Variants in CYTH4 observed in about 807,000 individuals in gnomAD.
CYTH4 encodes the protein cytohesin 4.
In CYTH4, 22 loss-of-function variants were observed where a neutral mutation model predicts 57.5. The ratio of observed to expected loss-of-function variants is 0.38; its 90% CI spans 0.27 to 0.55. The LOEUF (loss-of-function observed/expected upper bound fraction) is 0.55. Ranked by LOEUF, CYTH4 falls within the 20% of genes least tolerant of loss-of-function variation. CYTH4 has a pLI of 0.74. For missense variants in CYTH4, 420 were observed against 535.6 expected, an observed-to-expected ratio of 0.78 and a Z score of 2.13; for synonymous variants, 186 against 206.5, an observed-to-expected ratio of 0.90 and a Z score of 0.85.
At chr22:37,286,417 G>A (rs1569104388) in intron 1 of CYTH4, among the ~76,000 whole-genome samples, 1 of 152,178 alleles carries the variant, frequency 6.6e-6, no homozygotes, top group African/African-American at 2.4e-5. Context: ...GATTCAATGA[G>A]AGTGGATGGG....
At chr22:37,301,203 G>C (rs765751795) in intron 7 of CYTH4, among the ~76,000 whole-genome samples, 184 bp downstream of exon 7, 13 of 152,198 alleles carry the variant, frequency 8.5e-5, no homozygotes, top group Admixed American at 6.5e-5. Context: ...GCTGCCTTGA[G>C]ACACAGTTCT....
At chr22:37,302,502 G>A (rs927679058) in intron 7 of CYTH4, among the ~76,000 whole-genome samples, 10 of 152,204 alleles carry the variant, frequency 6.6e-5, no homozygotes, top group Admixed American at 2.0e-4. Context: ...CACCAACAAC[G>A]CTCGGTGCCA....
In CYTH4 at chr22:37,284,034, C is replaced by T. The variant is rs140955221; in HGVS notation, c.19+1446C>T. 5.9e-5 allele frequency among the ~76,000 whole-genome samples: 9 copies of T among 152,284 alleles called. No homozygotes were observed. In the East Asian group the frequency reaches 1.7e-3, roughly 29 times the overall value. Reference sequence around the variant, plus strand: ...GAGGCTCCCAGAGGTGAACTAGAGACGGGGACTGACTTGCTTGAGGTCACA... The same window carrying T: ...GAGGCTCCCAGAGGTGAACTAGAGATGGGGACTGACTTGCTTGAGGTCACA... On this transcript the variant is annotated intron_variant, in intron 1 of 12. Transcript: ENST00000248901.
At chr22:37,289,829 C>A (rs937736510) in intron 1 of CYTH4, among the ~76,000 whole-genome samples, 1 of 152,190 alleles carries the variant, frequency 6.6e-6, no homozygotes, top group African/African-American at 2.4e-5. Flanking sequence ...GTATATAATT[C>A]TCTGCTAGAA....
rs55959214 is a variant in CYTH4, at chr22:37,286,931, G to T, written c.19+4343G>T. ...AGTCCCCCTGAGCAAAGCGATAGCG[G>T]CTGGGATGACAGTGGAGCCATGGAA... On this transcript the variant is annotated intron_variant, in intron 1 of 12. Transcript: ENST00000248901. Among the ~76,000 whole-genome samples, 515 of 152,278 alleles carry T rather than the reference G, an allele frequency of 3.4e-3. 5 individuals carry two copies. The highest frequency in any genetic ancestry group is 0.012 in the African/African-American group (499 of 41,560).
At chr22:37,292,214 T>C (rs1161931218) in intron 1 of CYTH4, 1 of 171,142 alleles carries the variant, frequency 5.8e-6, no homozygotes, top group Non-Finnish European at 1.2e-5. Context: ...GAGGAGGAGA[T>C]TCAAGTTCCG....
intron 1 of CYTH4, among the ~76,000 whole-genome samples, chr22:37,284,805 G>A (rs911183079): frequency 5.3e-5 from 8 of 152,226 alleles, no homozygotes; most frequent in Non-Finnish European, 1.0e-4. Flanking sequence ...TCGGGAAGCA[G>A]GTAAGGCGCC....
intron 4 of CYTH4, 190 bp downstream of exon 4, chr22:37,296,255 TACAC>T: frequency 1.6e-6 from 1 of 626,410 alleles, no homozygotes; most frequent in Non-Finnish European, 2.7e-6. Context: ...CTCCCAGGCA[TACAC>T]GCCTTGGGGC....
intron 1 of CYTH4, among the ~76,000 whole-genome samples, chr22:37,288,381 C>G (rs1262119076): frequency 6.6e-6 from 1 of 152,088 alleles, no homozygotes; most frequent in Non-Finnish European, 1.5e-5. Flanking sequence ...CACTGCACTC[C>G]AGCCTGGTGA....
chr22:37,296,275 G>C (rs1005206870), intron 4 of CYTH4: 3 of 596,698 alleles, frequency 5.0e-6, no homozygotes, highest in Admixed American at 3.1e-5. Context: ...GGGGCAGGAG[G>C]AGCCAGGAGC....
At chr22:37,297,382 G>T (rs1006619161) in intron 4 of CYTH4, among the ~76,000 whole-genome samples, 182 bp from the exon 5 acceptor site, 3 of 152,088 alleles carry the variant, frequency 2.0e-5, no homozygotes, top group African/African-American at 7.2e-5. Context: ...CAGTGATGGG[G>T]AACTCATCAC....
intron 8 of CYTH4, among the ~76,000 whole-genome samples, chr22:37,308,696 A>G (rs945518378): frequency 5.8e-5 from 8 of 137,492 alleles, no homozygotes; most frequent in South Asian, 2.4e-4. Context: ...GTATGCATGT[A>G]TGTGTGAGCA....
chr22:37,304,968 T>A (rs750622288), intron 8 of CYTH4, among the ~76,000 whole-genome samples: 3 of 152,228 alleles, frequency 2.0e-5, no homozygotes, highest in Non-Finnish European at 4.4e-5. Flanking sequence ...GTGGCCTAAG[T>A]CACTATTAAA....
In CYTH4 at chr22:37,311,234, G is replaced by C. The variant is rs949502585; in HGVS notation, c.885+170G>C. ...GAAAACGGGTACACAGAGGAGGGCC[G>C]GGCCAAGGTCCTAGGCAGAGCCCAG... On this transcript the variant is annotated intron_variant, in intron 10 of 12. Coordinates refer to ENST00000248901, the MANE Select transcript of CYTH4 (RefSeq NM_013385.5). This position sits in a 1 kb window ranked among gnomAD's most constrained non-coding sequence, Gnocchi z 4.4. 6.6e-6 allele frequency among the ~76,000 whole-genome samples: 1 copy of C among 152,216 alleles called. No homozygotes were observed. Among genetic ancestry groups the C allele is most frequent in the African/African-American group, 2.4e-5 (1 of 41,458 alleles).
chr22:37,304,272 TC>T (rs1389044843), intron 8 of CYTH4: 3 of 456,548 alleles, frequency 6.6e-6, no homozygotes, highest in Non-Finnish European at 1.3e-5. Context: ...AGGAGAGGTG[TC>T]CAGTGTGGCC....
rs145000057 is a variant in CYTH4, at chr22:37,294,716, G to A, written c.159G>A (p.Ala53=). 489 of 1,613,836 alleles carry A rather than the reference G, an allele frequency of 3.0e-4. 3 individuals are homozygous for A. In the African/African-American group the frequency reaches 5.0e-3, roughly 16 times the overall value. Residue 53 remains alanine, a synonymous_variant, in exon 3 of 13, where the codon GCG becomes GCA. Coordinates refer to ENST00000248901, the MANE Select transcript of CYTH4 (RefSeq NM_013385.5). ...VFAQIDCFES[A]EESRMAQKEK... ...CCCAAATCGACTGCTTCGAGAGTGCGGAGGAGAGGTGAGGGGCTTGGGTGG... is the reference window on the plus strand; with the variant it reads ...CCCAAATCGACTGCTTCGAGAGTGCAGAGGAGAGGTGAGGGGCTTGGGTGG...
chr22:37,300,822 C>G, intron 6 of CYTH4, 85 bp from the exon 7 acceptor site: 1 of 1,114,102 alleles, frequency 9.0e-7, no homozygotes, highest in Non-Finnish European at 1.3e-6. Context: ...GATACAGAGA[C>G]TAAACCTGGG....
intron 12 of CYTH4, 97 bp downstream of exon 12, chr22:37,312,271 C>G: frequency 1.4e-6 from 2 of 1,474,384 alleles, no homozygotes; most frequent in Non-Finnish European, 1.8e-6. Context: ...GGGGCTAACT[C>G]CAGTCTCTCC....
At chr22:37,301,606 TAAC>T (rs1429426454) in intron 7 of CYTH4, among the ~76,000 whole-genome samples, 2 of 147,732 alleles carry the variant, frequency 1.4e-5, no homozygotes, top group Non-Finnish European at 1.5e-5. Flanking sequence ...CTAGTTGTCA[TAAC>T]AACAATAACC....
Sources: allele counts gnomAD v4.1 joint callset (sites outside exome capture counted in the v4.1 genomes callset), GRCh38; gene constraint gnomAD v4.1.1; non-coding constraint Gnocchi (gnomAD v3.1); transcripts MANE v1.5; gene names NCBI Gene and HGNC (gene_info 2026-07-23, HGNC 2026-07-21).